The following LRRC37A2 variants were observed in gnomAD, a reference collection of about 807,000 sequenced individuals.
The protein encoded by LRRC37A2 is leucine rich repeat containing 37 member A2.
In LRRC37A2, 9 loss-of-function variants were observed where a neutral mutation model predicts 68.8. The ratio of observed to expected loss-of-function variants is 0.13; its 90% CI spans 0.08 to 0.23. LRRC37A2 has a LOEUF of 0.23. Ranked by LOEUF, LRRC37A2 falls within the 10% of genes least tolerant of loss-of-function variation. The pLI, the probability that LRRC37A2 is intolerant of heterozygous loss-of-function variation, is 1.00. For missense variants in LRRC37A2, 168 were observed against 950.4 expected (o/e 0.18, Z 10.82); for synonymous variants, 63 against 367.6 (o/e 0.17, Z 9.48).
chr17:46,781,773 AACTTCGCATCTAGAGCCCCTGTGCAGGAC>A, the LRRC37A2 span, among the ~76,000 whole-genome samples: 1 of 152,190 alleles, frequency 6.6e-6, no homozygotes, highest in Non-Finnish European at 1.5e-5. Flanking sequence ...CCCAGCCTTC[AACTTCGCATCTAGAGCCCCTGTGCAGGAC>A]GAAATTCCAG....
At chr17:46,801,269 G>C in the LRRC37A2 span, among the ~76,000 whole-genome samples, 6 of 152,226 alleles carry the variant, frequency 3.9e-5, no homozygotes, top group Admixed American at 2.0e-4. Flanking sequence ...AGGCTGAGGA[G>C]TATACAACAA....
the LRRC37A2 span, chr17:46,876,597 G>A: frequency 2.0e-5 from 33 of 1,613,122 alleles, no homozygotes; most frequent in Admixed American, 3.3e-5. Flanking sequence ...TGCTGCGGGC[G>A]GGGCTATGAC....
chr17:46,847,529 C>T, the LRRC37A2 span, among the ~76,000 whole-genome samples: 1 of 152,154 alleles, frequency 6.6e-6, no homozygotes, highest in Non-Finnish European at 1.5e-5. Context: ...AAGGCTATGA[C>T]AAGAAGGCCA....
At chr17:46,545,548 A>G (rs1355755206) in intron 8 of LRRC37A2, among the ~76,000 whole-genome samples, 2 of 126,504 alleles carry the variant, frequency 1.6e-5, no homozygotes, top group African/African-American at 7.6e-5. Context: ...TTTTCACCCA[A>G]ATGTGCATCA....
chr17:46,841,983 C>A, the LRRC37A2 span, among the ~76,000 whole-genome samples: 3 of 152,174 alleles, frequency 2.0e-5, no homozygotes, highest in African/African-American at 4.8e-5. Flanking sequence ...CAGCGCTGAC[C>A]GGCAGGGGGC....
chr17:46,525,839 T>TA (rs2052678463), intron 6 of LRRC37A2, among the ~76,000 whole-genome samples: 2 of 89,742 alleles, frequency 2.2e-5, no homozygotes, highest in Non-Finnish European at 4.6e-5. Flanking sequence ...CCAGGGGACT[T>TA]TCATTCCTCA....
At chr17:46,719,702 T>G in the LRRC37A2 span, among the ~76,000 whole-genome samples, 1 of 152,242 alleles carries the variant, frequency 6.6e-6, no homozygotes, top group Non-Finnish European at 1.5e-5. The surrounding 1 kb of genome is among the most constrained non-coding windows in gnomAD (Gnocchi z 4.3). Flanking sequence ...GCATCAATAC[T>G]TGTTTAAAAA....
chr17:46,760,077 G>T, the LRRC37A2 span, among the ~76,000 whole-genome samples: 1 of 152,068 alleles, frequency 6.6e-6, no homozygotes, highest in Non-Finnish European at 1.5e-5. Flanking sequence ...AGACCAGTGG[G>T]CAACACAGCA....
At chr17:47,024,718 A>T in the LRRC37A2 span, 1 of 890,718 alleles carries the variant, frequency 1.1e-6, no homozygotes, top group Admixed American at 1.7e-5. Flanking sequence ...TTACACAAGG[A>T]TTCATTTGAA....
chr17:46,958,327 C>A, the LRRC37A2 span, among the ~76,000 whole-genome samples: 1 of 152,240 alleles, frequency 6.6e-6, no homozygotes, highest in African/African-American at 2.4e-5. Context: ...AAGACAGGAT[C>A]TCCATGGCAA....
the LRRC37A2 span, chr17:47,019,821 A>G: frequency 1.4e-5 from 19 of 1,345,340 alleles, no homozygotes; most frequent in South Asian, 2.3e-5. Context: ...CCTTTCCTCA[A>G]TTGCCCTCTG....
At chr17:46,884,189 A>G in the LRRC37A2 span, among the ~76,000 whole-genome samples, 1 of 152,178 alleles carries the variant, frequency 6.6e-6, no homozygotes, top group African/African-American at 2.4e-5. Flanking sequence ...AGAGCCTGAC[A>G]GGCTCTAATC....
chr17:46,898,705 A>G, the LRRC37A2 span, among the ~76,000 whole-genome samples: 2 of 152,260 alleles, frequency 1.3e-5, no homozygotes, highest in African/African-American at 4.8e-5. Flanking sequence ...TAATGTAGCC[A>G]GATTCAACAG....
chr17:46,691,618 C>T, the LRRC37A2 span, among the ~76,000 whole-genome samples: 4 of 151,590 alleles, frequency 2.6e-5, no homozygotes, highest in Non-Finnish European at 4.4e-5. Context: ...AACAAAACAA[C>T]GATTATATCC....
chr17:46,711,089 C>G, the LRRC37A2 span: 1 of 1,560,304 alleles, frequency 6.4e-7, no homozygotes, highest in Non-Finnish European at 8.6e-7. Flanking sequence ...GAACAGTGAC[C>G]GCACACCATT....
the LRRC37A2 span, among the ~76,000 whole-genome samples, chr17:46,696,322 C>G: frequency 2.1e-5 from 3 of 140,484 alleles, no homozygotes; most frequent in Non-Finnish European, 3.0e-5. Context: ...AATACCCCGA[C>G]TGCAAAGAAG....
At chr17:46,781,646 A>G in the LRRC37A2 span, among the ~76,000 whole-genome samples, 1 of 152,160 alleles carries the variant, frequency 6.6e-6, no homozygotes, top group Non-Finnish European at 1.5e-5. Flanking sequence ...GATGATGAAA[A>G]CAGACGGTGG....
chr17:46,988,294 G>A, the LRRC37A2 span, among the ~76,000 whole-genome samples: 3 of 152,322 alleles, frequency 2.0e-5, no homozygotes, highest in East Asian at 5.8e-4. Context: ...TCCAAAGAGA[G>A]AACCAAGATT....
At chr17:46,801,240 G>T in the LRRC37A2 span, among the ~76,000 whole-genome samples, 1 of 152,212 alleles carries the variant, frequency 6.6e-6, no homozygotes. Context: ...AGAGGAGCGG[G>T]TGCAGGGCGG....
Sources: gnomAD v4.1 joint callset for allele counts (sites outside exome capture counted in the v4.1 genomes callset) on GRCh38, gnomAD v4.1.1 for gene constraint, Gnocchi (gnomAD v3.1) non-coding constraint, MANE v1.5 for transcripts, NCBI Gene and HGNC (gene_info 2026-07-23, HGNC 2026-07-21) for gene names.